IL1RAPL2: variants seen among roughly 807,000 people sequenced by gnomAD.
IL1RAPL2 encodes the protein X-linked interleukin-1 receptor accessory protein-like 2.
IL1RAPL2 carries 3 observed loss-of-function variants against 44.1 expected under a neutral mutation model. The observed-to-expected ratio is 0.07, with a 90% CI of 0.03 to 0.18. The LOEUF is 0.18. Among genes scored for constraint, IL1RAPL2 ranks in the 10% least tolerant of loss-of-function variants. The probability of loss-of-function intolerance (pLI) is 1.00; values close to 1 mark genes in which losing one functional copy is unlikely to be tolerated. For missense variants in IL1RAPL2, 391 were observed against 496.4 expected, an observed-to-expected ratio of 0.79 and a Z score of 2.02; for synonymous variants, 181 against 178.8, an observed-to-expected ratio of 1.01 and a Z score of -0.10.
intron 2 of IL1RAPL2, among the ~76,000 whole-genome samples, chrX:104,873,108 G>A (rs1363392343): frequency 1.8e-5 from 2 of 111,603 alleles, no homozygotes; most frequent in African/African-American, 3.3e-5. Context: ...CTTTAACAAA[G>A]TACCATAGAT....
intron 1 of IL1RAPL2, among the ~76,000 whole-genome samples, chrX:104,646,597 A>T (rs1602660445): frequency 1.8e-5 from 2 of 112,186 alleles, no homozygotes; most frequent in South Asian, 7.5e-4. Flanking sequence ...GGTGGTTTGT[A>T]AAAACAAAGT....
intron 6 of IL1RAPL2, among the ~76,000 whole-genome samples, chrX:105,661,288 T>C (rs1411464750): frequency 8.9e-6 from 1 of 112,105 alleles, no homozygotes; most frequent in East Asian, 2.8e-4. Flanking sequence ...CAAATATTAC[T>C]AGAGATAAAC....
chrX:104,927,388 A>G (rs1924797885), intron 2 of IL1RAPL2, among the ~76,000 whole-genome samples: 1 of 111,595 alleles, frequency 9.0e-6, no homozygotes. Context: ...GTTTAATTTT[A>G]GTGCTTTTGA....
At chrX:104,651,142 T>C (rs1240702546) in intron 1 of IL1RAPL2, among the ~76,000 whole-genome samples, 1 of 112,049 alleles carries the variant, frequency 8.9e-6, no homozygotes, top group African/African-American at 3.2e-5. Context: ...GATTGGTAAA[T>C]ATATGGACTT....
chrX:104,621,474 G>A (rs189269003), intron 1 of IL1RAPL2, among the ~76,000 whole-genome samples: 2 of 107,985 alleles, frequency 1.9e-5, no homozygotes, highest in African/African-American at 6.7e-5. Flanking sequence ...TGGTGCAGCA[G>A]GGTGCTCTCT....
chrX:105,252,074 C>G (rs761333609), intron 4 of IL1RAPL2, among the ~76,000 whole-genome samples: 2 of 111,165 alleles, frequency 1.8e-5, no homozygotes, highest in South Asian at 7.5e-4. Context: ...TCTTCTGTGT[C>G]CTTTTGTATT....
At chrX:105,159,204 T>C (rs2033298998) in intron 2 of IL1RAPL2, among the ~76,000 whole-genome samples, 1 of 112,746 alleles carries the variant, frequency 8.9e-6, no homozygotes, top group Non-Finnish European at 1.9e-5. Flanking sequence ...AAGAAGTGGA[T>C]CAGCCTTTTC....
At chrX:105,409,668 A>T in intron 5 of IL1RAPL2, among the ~76,000 whole-genome samples, 1 of 111,087 alleles carries the variant, frequency 9.0e-6, no homozygotes, top group South Asian at 3.8e-4. Flanking sequence ...GGCTCATATT[A>T]TGTGAAGGCC....
rs147166143 is a variant in IL1RAPL2, at chrX:105,390,305, G to A, written c.698-94008G>A. On this transcript the variant is annotated intron_variant, in intron 5 of 10. Coordinates refer to ENST00000372582, the MANE Select transcript of IL1RAPL2 (RefSeq NM_017416.2). ...CTACCTCCCTCCTATTGCCAATCGA[G>A]AATCTCTTTCTGTTCACAAAGTAGC... 1.5e-3 allele frequency among the ~76,000 whole-genome samples: 170 copies of A among 111,387 alleles called. 7 individuals are homozygous for A. In the East Asian group the frequency reaches 0.046, roughly 30 times the overall value.
intron 5 of IL1RAPL2, among the ~76,000 whole-genome samples, chrX:105,409,849 C>G (rs5962509): frequency 0.016 from 297 of 18,464 alleles, 3 homozygotes; most frequent in African/African-American, 0.039. Context: ...GATAGATAGA[C>G]AGACAGACAG....
At chrX:104,823,646 C>T (rs1279427138) in intron 2 of IL1RAPL2, among the ~76,000 whole-genome samples, 1 of 109,151 alleles carries the variant, frequency 9.2e-6, no homozygotes, top group Non-Finnish European at 1.9e-5. Context: ...AATGGTATTT[C>T]CAGTTCTAGA....
At chrX:104,622,906 T>G (rs1227504001) in intron 1 of IL1RAPL2, among the ~76,000 whole-genome samples, 1 of 111,871 alleles carries the variant, frequency 8.9e-6, no homozygotes, top group Non-Finnish European at 1.9e-5. Flanking sequence ...ATAACTTTTT[T>G]TTGTATCTTT....
chrX:105,668,245 C>T (rs1196158564), intron 6 of IL1RAPL2, among the ~76,000 whole-genome samples: 2 of 112,210 alleles, frequency 1.8e-5, no homozygotes, highest in African/African-American at 6.5e-5. Context: ...GGTGGATTTA[C>T]TTATAACACT....
At chrX:105,219,849 G>A (rs886487840) in intron 3 of IL1RAPL2, 21 of 1,076,049 alleles carry the variant, frequency 2.0e-5, no homozygotes, top group Admixed American at 1.0e-4. Context: ...TGGGAAGGGC[G>A]GGGCAGGGCG....
At chrX:105,539,229 C>A (rs1287314886) in intron 6 of IL1RAPL2, among the ~76,000 whole-genome samples, 2 of 111,221 alleles carry the variant, frequency 1.8e-5, no homozygotes, top group Non-Finnish European at 3.8e-5. Flanking sequence ...CCAAAGCAAT[C>A]CTAAACAAAA....
chrX:104,726,806 C>T (rs868209131), intron 2 of IL1RAPL2, among the ~76,000 whole-genome samples: 26 of 110,434 alleles, frequency 2.4e-4, no homozygotes, highest in African/African-American at 6.9e-4. Context: ...GTTTTGGCTG[C>T]GATAGCCTCA....
At chrX:105,213,863 T>C (rs1189985896) in intron 3 of IL1RAPL2, among the ~76,000 whole-genome samples, 1 of 109,727 alleles carries the variant, frequency 9.1e-6, no homozygotes, top group East Asian at 2.9e-4. Context: ...GAATTTCATA[T>C]CCAGCCAAGC....
chrX:104,664,222 A>G (rs1930449996), intron 2 of IL1RAPL2, among the ~76,000 whole-genome samples: 1 of 111,462 alleles, frequency 9.0e-6, no homozygotes, highest in Admixed American at 9.5e-5. Context: ...TCGTTCCGCA[A>G]TGATAAGCCT....
intron 6 of IL1RAPL2, among the ~76,000 whole-genome samples, chrX:105,543,298 A>G (rs1311279757): frequency 1.8e-5 from 2 of 112,333 alleles, no homozygotes; most frequent in Non-Finnish European, 3.8e-5. Context: ...GAAAATAAAT[A>G]TGGTCATTTA....
Sources: allele counts gnomAD v4.1 joint callset (sites outside exome capture counted in the v4.1 genomes callset), GRCh38; gene constraint gnomAD v4.1.1; transcripts MANE v1.5; gene names NCBI Gene and HGNC (gene_info 2026-07-23, HGNC 2026-07-21).